The following CNN3 variants were observed in gnomAD, a reference collection of about 807,000 sequenced individuals.
CNN3 encodes the protein calponin-3.
In CNN3, 11 loss-of-function variants were observed where a neutral mutation model predicts 39.0. The observed-to-expected ratio is 0.28, with a 90% CI of 0.18 to 0.47. CNN3 has a LOEUF of 0.47. Among genes scored for constraint, CNN3 ranks in the 20% least tolerant of loss-of-function variants. The pLI, the probability that CNN3 is intolerant of heterozygous loss-of-function variation, is 0.99. For missense variants in CNN3, 266 were observed against 403.4 expected, an observed-to-expected ratio of 0.66 and a Z score of 2.92; for synonymous variants, 101 against 138.3, an observed-to-expected ratio of 0.73 and a Z score of 1.89.
Position 94,926,708 on chromosome 1 carries a change from G to T in CNN3, c.57+130C>A. ...GCGACCGGGACAGGCAGAGACGCTC[G>T]CGCCGCCTCGACGGCCCCTCTCCAG... On this transcript the variant is annotated intron_variant, in intron 1 of 6. Coordinates refer to ENST00000370206, the MANE Select transcript of CNN3 (RefSeq NM_001839.5). The surrounding 1 kb of genome is among the most constrained non-coding windows in gnomAD (Gnocchi z 4.2). 1 of 1,046,216 alleles carries T rather than the reference G, an allele frequency of 9.6e-7. No individual in the cohort carries two copies. Among genetic ancestry groups the T allele is most frequent in the Non-Finnish European group, 1.4e-6 (1 of 704,838 alleles). The allele number at this position is 1,046,216 out of a possible 1,614,324, so 64.8% of individuals were successfully genotyped here. A position where few individuals can be genotyped will look rare whatever the true frequency, so the allele number is the denominator to read the frequency against.
intron 1 of CNN3, among the ~76,000 whole-genome samples, chr1:94,915,676 T>C (rs1317352297): frequency 6.6e-6 from 1 of 152,126 alleles, no homozygotes; most frequent in Non-Finnish European, 1.5e-5. Flanking sequence ...TTCCCATCCC[T>C]TCCAGATCAA....
intron 1 of CNN3, among the ~76,000 whole-genome samples, chr1:94,915,183 TA>T (rs1671252106): frequency 6.6e-6 from 1 of 152,168 alleles, no homozygotes; most frequent in Admixed American, 6.5e-5. Flanking sequence ...AGACCCTAAG[TA>T]AAAAGCCATT....
chr1:94,913,860 T>C (rs1015547784), intron 1 of CNN3, among the ~76,000 whole-genome samples: 3 of 152,076 alleles, frequency 2.0e-5, no homozygotes, highest in Non-Finnish European at 4.4e-5. Context: ...AAAAATATCA[T>C]GTTTTGAGTG....
chr1:94,915,587 C>G (rs933444041), intron 1 of CNN3, among the ~76,000 whole-genome samples: 3 of 152,188 alleles, frequency 2.0e-5, no homozygotes, highest in Non-Finnish European at 2.9e-5. Context: ...GAGTGCTATG[C>G]CCCAACACAA....
At chr1:94,909,842 G>A (rs945498195) in intron 1 of CNN3, among the ~76,000 whole-genome samples, 29 of 146,096 alleles carry the variant, frequency 2.0e-4, no homozygotes, top group African/African-American at 7.4e-4. Context: ...TGTACGCCGA[G>A]AGCATTCAGC....
intron 1 of CNN3, among the ~76,000 whole-genome samples, chr1:94,909,200 C>T (rs1671095238): frequency 1.3e-5 from 2 of 152,220 alleles, no homozygotes; most frequent in African/African-American, 2.4e-5. Context: ...CATGCATTCT[C>T]AACAGGGGTG....
In CNN3 at chr1:94,903,135, A is replaced by G. The variant is rs1392729703; in HGVS notation, c.233T>C (p.Leu78Pro). The G allele has an allele frequency of 6.2e-7, 1 of 1,610,034 alleles. No individual in the cohort carries two copies. The highest frequency in any genetic ancestry group is 1.1e-5 in the South Asian group (1 of 90,650). The change falls in exon 3 of 7, where the codon CTG becomes CCG. Residue 78 changes from leucine (L) to proline (P), a missense_variant. Coordinates refer to ENST00000370206, the MANE Select transcript of CNN3 (RefSeq NM_001839.5). ...GSVKKVNESSLNWPQLENIGN... is the reference protein window; with the variant it reads ...GSVKKVNESSPNWPQLENIGN... ...TTTGGCTGTTACCTGAGGCCAGTTCAGTGAGGACTCGTTGACCTTCTTCAC... is the reference window on the plus strand; with the variant it reads ...TTTGGCTGTTACCTGAGGCCAGTTCGGTGAGGACTCGTTGACCTTCTTCAC...
intron 1 of CNN3, among the ~76,000 whole-genome samples, chr1:94,914,207 C>T (rs1421959292): frequency 2.0e-5 from 3 of 152,182 alleles, no homozygotes; most frequent in Admixed American, 2.0e-4. Flanking sequence ...GAGTCAGGAG[C>T]ATGGGTAACA....
At chr1:94,908,947 C>A (rs1331633292) in intron 1 of CNN3, among the ~76,000 whole-genome samples, 1 of 148,644 alleles carries the variant, frequency 6.7e-6, no homozygotes, top group Non-Finnish European at 1.5e-5. Flanking sequence ...GAGTTCGAGA[C>A]CAGCCAGGGC....
intron 5 of CNN3, among the ~76,000 whole-genome samples, chr1:94,900,483 T>TC (rs1457966091): frequency 6.6e-6 from 1 of 152,206 alleles, no homozygotes; most frequent in Admixed American, 6.5e-5. Context: ...CTGATTTTTT[T>TC]CCCCCATAAC....
chr1:94,915,167 T>A (rs569242577), intron 1 of CNN3, among the ~76,000 whole-genome samples: 10 of 152,318 alleles, frequency 6.6e-5, no homozygotes, highest in African/African-American at 2.2e-4. Context: ...TATTTTGTAC[T>A]TTCTGAGACC....
At chr1:94,925,299 T>G (rs1396713592) in intron 1 of CNN3, among the ~76,000 whole-genome samples, 1 of 152,212 alleles carries the variant, frequency 6.6e-6, no homozygotes, top group Non-Finnish European at 1.5e-5. Context: ...ATCCAACATT[T>G]TGGACATGCC....
At chr1:94,899,541 C>T (rs1398734212) in intron 5 of CNN3, 24 bp from the exon 6 acceptor site, 5 of 1,607,142 alleles carry the variant, frequency 3.1e-6, no homozygotes, top group South Asian at 1.1e-5. Context: ...AATAAAATTG[C>T]ACAAATTATC....
At chr1:94,920,819 T>G (rs544446741) in intron 1 of CNN3, among the ~76,000 whole-genome samples, 40 of 152,198 alleles carry the variant, frequency 2.6e-4, no homozygotes, top group Non-Finnish European at 4.7e-4. Flanking sequence ...TAAAAGATAT[T>G]TATATATTTT....
intron 1 of CNN3, among the ~76,000 whole-genome samples, chr1:94,904,072 A>G (rs1670938080): frequency 6.6e-6 from 1 of 152,198 alleles, no homozygotes. Context: ...TTACTGTACA[A>G]TATTTAAATT....
chr1:94,900,025 G>A (rs1459542936), intron 5 of CNN3, among the ~76,000 whole-genome samples: 2 of 152,172 alleles, frequency 1.3e-5, no homozygotes, highest in Admixed American at 1.3e-4. Flanking sequence ...TTTTATTCCT[G>A]TAACTCCCAT....
At chr1:94,904,199 A>C (rs1015229397) in intron 1 of CNN3, among the ~76,000 whole-genome samples, 3 of 152,206 alleles carry the variant, frequency 2.0e-5, no homozygotes, top group South Asian at 4.1e-4. Context: ...TAAAACTAAA[A>C]GAAAGTTTAA....
intron 1 of CNN3, among the ~76,000 whole-genome samples, chr1:94,920,525 C>T (rs1303199776): frequency 3.3e-5 from 5 of 152,184 alleles, no homozygotes; most frequent in African/African-American, 1.2e-4. Flanking sequence ...GCTTTTGATT[C>T]CAGGCATTAT....
At chr1:94,899,274 T>A in intron 6 of CNN3, 97 bp downstream of exon 6, 1 of 1,311,448 alleles carries the variant, frequency 7.6e-7, no homozygotes, top group Non-Finnish European at 1.0e-6. Context: ...AGGAATATAC[T>A]CTAAATAAAC....
Sources: gnomAD v4.1 joint callset for allele counts (sites outside exome capture counted in the v4.1 genomes callset) on GRCh38, gnomAD v4.1.1 for gene constraint, Gnocchi (gnomAD v3.1) non-coding constraint, MANE v1.5 for transcripts, NCBI Gene and HGNC (gene_info 2026-07-23, HGNC 2026-07-21) for gene names.